ITPR3: variants seen among roughly 807,000 people sequenced by gnomAD.
ITPR3 encodes inositol 1,4,5-trisphosphate receptor type 3.
ITPR3 carries 173 observed loss-of-function variants against 293.2 expected under a neutral mutation model. The observed-to-expected ratio is 0.59, with a 90% CI of 0.52 to 0.67. The LOEUF is 0.67. ITPR3 is among the 30% of genes least tolerant of loss of function. The pLI is 0.00. For missense variants in ITPR3, 2,796 were observed against 3,592.1 expected, an observed-to-expected ratio of 0.78 and a Z score of 5.66; for synonymous variants, 1,295 against 1,444.4, an observed-to-expected ratio of 0.90 and a Z score of 2.35.
At position 33,673,573 on chromosome 6, in the gene ITPR3, C is replaced by T. The variant is rs1764825522; in HGVS notation, c.2929-18C>T. 1 of 1,613,746 alleles carries T rather than the reference C, an allele frequency of 6.2e-7. No individual in the cohort carries two copies. The highest frequency in any genetic ancestry group is 1.1e-5 in the South Asian group (1 of 91,036). On this transcript the variant is annotated intron_variant, in intron 22 of 57. Coordinates refer to ENST00000605930, the MANE Select transcript of ITPR3 (RefSeq NM_002224.4). ...AGTCCTCACCCCATCCTCACCTGACCTTTCCTCTCTTCTCCAGTTCATCCT... is the reference window on the plus strand; with the variant it reads ...AGTCCTCACCCCATCCTCACCTGACTTTTCCTCTCTTCTCCAGTTCATCCT...
In ITPR3 at chr6:33,695,183, C is replaced by T. The variant is rs1194177010; in HGVS notation, c.7947+98C>T. The stretch of plus-strand genomic sequence containing the variant: ...CCTGACCCACCCTCTTCCCCACTGG[C>T]CTCTGGCCCTGGGCCTGGATGAGAA... On this transcript the variant is annotated intron_variant, in intron 57 of 57. Coordinates refer to ENST00000605930, the MANE Select transcript of ITPR3 (RefSeq NM_002224.4). 5 of 1,349,146 alleles carry T rather than the reference C, an allele frequency of 3.7e-6. No individual in the cohort carries two copies. The Admixed American group carries it at 8.6e-5, about 23-fold the overall frequency. The allele number at this position is 1,349,146 out of a possible 1,614,324, so 83.6% of individuals were successfully genotyped here. A position where few individuals can be genotyped will look rare whatever the true frequency, so the allele number is the denominator to read the frequency against.
Position 33,673,680 on chromosome 6 carries a change from C to T in ITPR3, c.3018C>T (p.Asp1006=), listed in dbSNP as rs751698261. 3.7e-6 allele frequency: 6 copies of T among 1,614,188 alleles called. No homozygotes were observed. The highest frequency in any genetic ancestry group is 5.1e-6 in the Non-Finnish European group (6 of 1,180,026). Residue 1006 remains aspartate (D), a synonymous_variant, in exon 23 of 58, where the codon GAC becomes GAT. Coordinates refer to ENST00000605930, the MANE Select transcript of ITPR3 (RefSeq NM_002224.4). ...KEFVEVFPMQ[D]SGADGTAPAF... is the part of the protein sequence containing the mutation. ...TTGTGGAGGTGTTTCCCATGCAGGACAGTGGGGCTGATGGCACAGCCCCTG... is the reference window on the plus strand; with the variant it reads ...TTGTGGAGGTGTTTCCCATGCAGGATAGTGGGGCTGATGGCACAGCCCCTG...
In ITPR3 at chr6:33,695,881, GC is replaced by G; in HGVS notation, c.*103del. 1 of 1,164,174 alleles carries G rather than the reference GC, an allele frequency of 8.6e-7. No individual in the cohort carries two copies. The allele number at this position is 1,164,174 out of a possible 1,614,324, so 72.1% of individuals were successfully genotyped here. ...TCGGGTTGGGTGGCCCAGCCAGCTG[GC>G]CAGCCTCCACTCCCACTCTGCCAGA... On this transcript the variant is annotated 3_prime_UTR_variant, in exon 58 of 58. Transcript: ENST00000605930.
At chr6:33,645,978 CA>C (rs1157289585) in intron 2 of ITPR3, among the ~76,000 whole-genome samples, 2 of 152,126 alleles carry the variant, frequency 1.3e-5, no homozygotes, top group Non-Finnish European at 2.9e-5. Flanking sequence ...GCTGGGATTA[CA>C]GGCACGTGCC....
chr6:33,694,489 G>A (rs954959715), intron 56 of ITPR3: 9 of 231,692 alleles, frequency 3.9e-5, no homozygotes, highest in Non-Finnish European at 6.8e-5. Flanking sequence ...GGAGCCTCCT[G>A]ATCCCTCAAT....
At chr6:33,661,992 G>GAAAAAAAAAAAAAAAAAAAAAAAA (rs55958712) in intron 7 of ITPR3, among the ~76,000 whole-genome samples, 3 of 47,192 alleles carry the variant, frequency 6.4e-5, no homozygotes, top group African/African-American at 1.3e-4. Flanking sequence ...GACTGTCTCT[G>GAAAAAAAAAAAAAAAAAAAAAAAA]AAAAAAAAAA....
chr6:33,634,604 C>A (rs1011402504), intron 1 of ITPR3, among the ~76,000 whole-genome samples: 1 of 152,084 alleles, frequency 6.6e-6, no homozygotes. Context: ...CTGACCGGTC[C>A]CTCCCTTCTC....
Position 33,685,520 on chromosome 6 carries a change from C to A in ITPR3, c.5469C>A (p.Asp1823Glu). The change falls in exon 40 of 58, where the codon GAC becomes GAA. Residue 1823 changes from aspartate to glutamate, a missense_variant. By Grantham distance (45) the Asp-to-Glu change is conservative (BLOSUM62 2). Transcript: ENST00000605930. The stretch of plus-strand genomic sequence containing the variant: ...CACATGAGGACCGCGAGCCAGTCGA[C>A]CCCACCACCAAAGGTCAGGGGTCTG... ...SQPHEDREPV[D>E]PTTKGRVASF... 6.2e-7 allele frequency: 1 copy of A among 1,613,454 alleles called. No homozygotes were observed. Among genetic ancestry groups the A allele is most frequent in the Non-Finnish European group, 8.5e-7 (1 of 1,179,638 alleles).
chr6:33,685,157 TGAAAG>T (rs1765190758), intron 39 of ITPR3, among the ~76,000 whole-genome samples, 197 bp from the exon 40 acceptor site: 1 of 151,980 alleles, frequency 6.6e-6, no homozygotes, highest in South Asian at 2.1e-4. Flanking sequence ...GCGGGGGTGA[TGAAAG>T]GACCACGTGA....
intron 57 of ITPR3, 198 bp downstream of exon 57, chr6:33,695,283 A>G (rs1765512144): frequency 3.2e-6 from 2 of 620,732 alleles, no homozygotes; most frequent in East Asian, 5.6e-5. Context: ...GGGCCGCTAA[A>G]GACAAGGCCA....
In ITPR3 at chr6:33,632,558, G is replaced by A. The variant is rs1018537655; in HGVS notation, c.90-7926G>A. Among the ~76,000 whole-genome samples the A allele has an allele frequency of 2.0e-5, 3 of 152,156 alleles. No individual in the cohort carries two copies. Among genetic ancestry groups the A allele is most frequent in the African/African-American group, 7.2e-5 (3 of 41,430 alleles). On this transcript the variant is annotated intron_variant, in intron 1 of 57. Transcript: ENST00000605930. This position sits in a 1 kb window ranked among gnomAD's most constrained non-coding sequence, Gnocchi z 4.1. ...ATCAAGGTCTTGGGGTGTAGACCCC[G>A]TGGGCATTTCAGGGACTGTGCCCTC...
At position 33,646,944 on chromosome 6, in the gene ITPR3, C is replaced by T. The variant is rs149781088; in HGVS notation, c.160+6390C>T. ...AAAAAAAGATGAAAAAAAGTATATTCATTTTAGTTGCATATTGTGGACAAC... is the reference window on the plus strand; with the variant it reads ...AAAAAAAGATGAAAAAAAGTATATTTATTTTAGTTGCATATTGTGGACAAC... On this transcript the variant is annotated intron_variant, in intron 2 of 57. Transcript: ENST00000605930. Among the ~76,000 whole-genome samples, 15 of 152,170 alleles carry T rather than the reference C, an allele frequency of 9.9e-5. No individual in the cohort carries two copies. In the East Asian group the frequency reaches 2.9e-3, roughly 29 times the overall value.
chr6:33,667,095 G>T lies in ITPR3; in HGVS notation c.1552-34G>T. On this transcript the variant is annotated intron_variant, in intron 14 of 57. Coordinates refer to ENST00000605930, the MANE Select transcript of ITPR3 (RefSeq NM_002224.4). This position sits in a 1 kb window ranked among gnomAD's most constrained non-coding sequence, Gnocchi z 4.4. ...TGACTTAGGGGTACAGACAGGTGTT[G>T]GGGAATCAGTCCTCACCCTCTGTAT... is the stretch of plus-strand genomic sequence containing the variant. 6.2e-7 allele frequency: 1 copy of T among 1,606,292 alleles called. No individual in the cohort carries two copies. The highest frequency in any genetic ancestry group is 8.5e-7 in the Non-Finnish European group (1 of 1,175,168).
Position 33,621,407 on chromosome 6 carries a change from C to A in ITPR3, c.-196C>A. 1 of 388,458 alleles carries A rather than the reference C, an allele frequency of 2.6e-6. No homozygotes were observed. Among genetic ancestry groups the A allele is most frequent in the Non-Finnish European group, 4.6e-6 (1 of 217,076 alleles). The allele number at this position is 388,458 out of a possible 1,614,324, so 24.1% of individuals were successfully genotyped here. A position where few individuals can be genotyped will look rare whatever the true frequency, so the allele number is the denominator to read the frequency against. On this transcript the variant is annotated 5_prime_UTR_variant, in exon 1 of 58. Coordinates refer to ENST00000605930, the MANE Select transcript of ITPR3 (RefSeq NM_002224.4). The surrounding 1 kb of genome is among the most constrained non-coding windows in gnomAD (Gnocchi z 7.7). ...GGGCGCGCCAAGACGTGGGCACCTC[C>A]TCACCCGGACCCCGGGCCCCGCCGA... is the stretch of plus-strand genomic sequence containing the variant.
intron 8 of ITPR3, 65 bp from the exon 9 acceptor site, chr6:33,662,846 C>T: frequency 6.6e-7 from 1 of 1,525,552 alleles, no homozygotes; most frequent in Non-Finnish European, 8.9e-7. Context: ...TCCAGGCCTC[C>T]CTGGGGTCTG....
chr6:33,692,647 C>T lies in ITPR3; in HGVS notation c.7459-81C>T, dbSNP rs761601051. ...GGGGCTGGGTCCTCAATATCACAGC[C>T]CTGGCCCCAACCTGAGTCCTATCTT... On this transcript the variant is annotated intron_variant, in intron 54 of 57. Coordinates refer to ENST00000605930, the MANE Select transcript of ITPR3 (RefSeq NM_002224.4). This position sits in a 1 kb window ranked among gnomAD's most constrained non-coding sequence, Gnocchi z 4.2. The T allele has an allele frequency of 2.8e-4, 395 of 1,424,110 alleles. No homozygotes were observed. The highest frequency in any genetic ancestry group is 3.9e-4 in the African/African-American group (28 of 70,978). 88.2% of individuals were successfully genotyped at this position (1,424,110 alleles called of 1,614,324 possible).
rs772074334 is a variant in ITPR3 at position 33,678,631 on chromosome 6, C to G, written c.3772-8C>G. On this transcript the variant is annotated splice_polypyrimidine_tract_variant and splice_region_variant and intron_variant, in intron 29 of 57. Transcript: ENST00000605930. Reference sequence around the variant, plus strand: ...AGATCTCTTTCTGACAGATGCCCCCCACTGCAGCTCCTGGAGGCAGAGACC... The same window carrying G: ...AGATCTCTTTCTGACAGATGCCCCCGACTGCAGCTCCTGGAGGCAGAGACC... 23 of 1,610,338 alleles carry G rather than the reference C, an allele frequency of 1.4e-5. No homozygotes were observed. The highest frequency in any genetic ancestry group is 1.9e-5 in the Non-Finnish European group (22 of 1,178,784).
chr6:33,667,738 G>A lies in ITPR3; in HGVS notation c.1714-54G>A, dbSNP rs905902428. ...GGGGCAGCGTTCCAGAGCAGAGCTG[G>A]GCCCTTGGCCCACCTGTGACTCTCT... is the stretch of plus-strand genomic sequence containing the variant. On this transcript the variant is annotated intron_variant, in intron 15 of 57. Coordinates refer to ENST00000605930, the MANE Select transcript of ITPR3 (RefSeq NM_002224.4). This position sits in a 1 kb window ranked among gnomAD's most constrained non-coding sequence, Gnocchi z 4.4. 6 of 1,600,010 alleles carry A rather than the reference G, an allele frequency of 3.7e-6. No homozygotes were observed. The highest frequency in any genetic ancestry group is 5.1e-6 in the Non-Finnish European group (6 of 1,170,558).
chr6:33,633,598 C>T lies in ITPR3; in HGVS notation c.90-6886C>T, dbSNP rs1291045069. 6.6e-6 allele frequency among the ~76,000 whole-genome samples: 1 copy of T among 151,678 alleles called. No homozygotes were observed. Among genetic ancestry groups the T allele is most frequent in the Non-Finnish European group, 1.5e-5 (1 of 67,858 alleles). On this transcript the variant is annotated intron_variant, in intron 1 of 57. Coordinates refer to ENST00000605930, the MANE Select transcript of ITPR3 (RefSeq NM_002224.4). The surrounding 1 kb of genome is among the most constrained non-coding windows in gnomAD (Gnocchi z 5.2). ...GCGCAGCGGCACATCACCCGCCCCG[C>T]CCCCGGGCGCGTCTGGCGGAGGCGC...
Sources: allele counts gnomAD v4.1 joint callset (sites outside exome capture counted in the v4.1 genomes callset), GRCh38; gene constraint gnomAD v4.1.1; non-coding constraint Gnocchi (gnomAD v3.1); transcripts MANE v1.5; gene names NCBI Gene and HGNC (gene_info 2026-07-23, HGNC 2026-07-21).